MIR2052HG: variants seen among roughly 807,000 people sequenced by gnomAD.
MIR2052HG encodes the protein MIR2052 host gene.
chr8:74,695,790 A>G (rs1809289771), intron 2 of MIR2052HG, among the ~76,000 whole-genome samples: 2 of 152,192 alleles, frequency 1.3e-5, no homozygotes, highest in Middle Eastern at 3.2e-3. Context: ...CTAAATATGT[A>G]TGCACTTAAC....
intron 2 of MIR2052HG, among the ~76,000 whole-genome samples, chr8:74,675,537 G>A (rs1809041825): frequency 6.6e-6 from 1 of 151,970 alleles, no homozygotes; most frequent in Admixed American, 6.6e-5. Context: ...AATCCCTGAA[G>A]ATACCACAGG....
chr8:74,755,196 T>G (rs766934033), intron 5 of MIR2052HG, among the ~76,000 whole-genome samples: 2 of 152,184 alleles, frequency 1.3e-5, no homozygotes, highest in African/African-American at 2.4e-5. Flanking sequence ...ATATTTGGGT[T>G]TTTTAAAAAA....
chr8:74,708,678 TATA>T (rs1809434732), intron 4 of MIR2052HG, among the ~76,000 whole-genome samples: 1 of 151,984 alleles, frequency 6.6e-6, no homozygotes. Context: ...CAAAGTAAAA[TATA>T]ATGTATAAAT....
At chr8:74,660,286 C>G (rs1429774555) in intron 2 of MIR2052HG, among the ~76,000 whole-genome samples, 1 of 152,188 alleles carries the variant, frequency 6.6e-6, no homozygotes, top group Non-Finnish European at 1.5e-5. Flanking sequence ...ACTCAGCTGC[C>G]CTAGCAGTCT....
chr8:74,641,507 A>G (rs1453015835), intron 2 of MIR2052HG, among the ~76,000 whole-genome samples: 1 of 152,200 alleles, frequency 6.6e-6, no homozygotes, highest in Non-Finnish European at 1.5e-5. Flanking sequence ...TTTTCTCTAT[A>G]ATGAACTACA....
intron 4 of MIR2052HG, among the ~76,000 whole-genome samples, chr8:74,748,627 G>T (rs1048168708): frequency 9.2e-5 from 14 of 152,152 alleles, no homozygotes; most frequent in Admixed American, 9.2e-4. Context: ...TTGTCTCATG[G>T]AGCTTATGAA....
intron 2 of MIR2052HG, among the ~76,000 whole-genome samples, chr8:74,656,522 T>C (rs57742374): frequency 0.088 from 13,318 of 152,196 alleles, 698 homozygotes; most frequent in African/African-American, 0.11. Flanking sequence ...CTCATTTTCT[T>C]TTGCTGCTGC....
At chr8:74,728,424 T>A (rs1391526079) in intron 4 of MIR2052HG, among the ~76,000 whole-genome samples, 1 of 152,208 alleles carries the variant, frequency 6.6e-6, no homozygotes, top group Non-Finnish European at 1.5e-5. Flanking sequence ...TGGCTAGTCA[T>A]AAATTTATTC....
intron 4 of MIR2052HG, among the ~76,000 whole-genome samples, chr8:74,704,284 C>T (rs926454122): frequency 5.9e-5 from 9 of 151,998 alleles, no homozygotes; most frequent in African/African-American, 2.2e-4. Flanking sequence ...GTGATCAATG[C>T]TTGGTTGTTC....
At chr8:74,719,567 A>T (rs1809553234) in intron 4 of MIR2052HG, among the ~76,000 whole-genome samples, 1 of 152,128 alleles carries the variant, frequency 6.6e-6, no homozygotes, top group South Asian at 2.1e-4. Context: ...ACAGCCAATT[A>T]TGGCTTCTAG....
At chr8:74,670,102 C>T (rs568846525) in intron 2 of MIR2052HG, among the ~76,000 whole-genome samples, 1 of 152,182 alleles carries the variant, frequency 6.6e-6, no homozygotes, top group Admixed American at 6.5e-5. Flanking sequence ...CCTCACCAGA[C>T]ACTGACACTG....
intron 2 of MIR2052HG, among the ~76,000 whole-genome samples, chr8:74,645,038 G>A (rs1055614557): frequency 2.6e-5 from 4 of 152,108 alleles, no homozygotes; most frequent in South Asian, 2.1e-4. Flanking sequence ...CTCCTGAAGA[G>A]TTATTTATGA....
intron 4 of MIR2052HG, among the ~76,000 whole-genome samples, chr8:74,739,721 TA>T (rs1205953811): frequency 2.0e-5 from 3 of 152,186 alleles, no homozygotes; most frequent in Non-Finnish European, 4.4e-5. Flanking sequence ...TGGTTCAAAA[TA>T]AAACTATATT....
At chr8:74,660,704 C>T (rs541011716) in intron 2 of MIR2052HG, among the ~76,000 whole-genome samples, 7 of 152,288 alleles carry the variant, frequency 4.6e-5, no homozygotes, top group Admixed American at 4.6e-4. Context: ...GAGAAAACAA[C>T]AACATCATCA....
At chr8:74,615,441 T>C (rs1808265948) in intron 2 of MIR2052HG, among the ~76,000 whole-genome samples, 1 of 152,178 alleles carries the variant, frequency 6.6e-6, no homozygotes, top group Admixed American at 6.5e-5. Flanking sequence ...AGAAGGTGGG[T>C]ACAGAATCCA....
chr8:74,662,876 G>GTGTGTGTA (rs1808880743), intron 2 of MIR2052HG, among the ~76,000 whole-genome samples: 2 of 151,348 alleles, frequency 1.3e-5, no homozygotes, highest in African/African-American at 4.9e-5. Context: ...GTGTGTGTGT[G>GTGTGTGTA]TGTGTGTGTG....
chr8:74,608,692 A>G (rs1472543956), intron 1 of MIR2052HG, among the ~76,000 whole-genome samples: 3 of 152,130 alleles, frequency 2.0e-5, no homozygotes, highest in African/African-American at 7.2e-5. Flanking sequence ...GAAAATTATA[A>G]AGACATTTCT....
At chr8:74,684,592 A>T (rs1472330464) in intron 2 of MIR2052HG, among the ~76,000 whole-genome samples, 1 of 152,108 alleles carries the variant, frequency 6.6e-6, no homozygotes, top group Non-Finnish European at 1.5e-5. Flanking sequence ...CCTGAATATT[A>T]TATGTTATAA....
intron 4 of MIR2052HG, among the ~76,000 whole-genome samples, chr8:74,731,664 A>G (rs2128754878): frequency 6.6e-6 from 1 of 152,278 alleles, no homozygotes; most frequent in South Asian, 2.1e-4. Flanking sequence ...TGGTGTGTCT[A>G]TCATTCTACA....
Sources: allele counts gnomAD v4.1 joint callset (sites outside exome capture counted in the v4.1 genomes callset), GRCh38; gene constraint gnomAD v4.1.1; transcripts MANE v1.5; gene names NCBI Gene and HGNC (gene_info 2026-07-23, HGNC 2026-07-21).